The following ADAMTS16 variants were observed in gnomAD, a reference collection of about 807,000 sequenced individuals.
ADAMTS16 encodes the protein ADAM metallopeptidase with thrombospondin type 1 motif 16.
A neutral mutation model predicts 145.8 loss-of-function variants in ADAMTS16; 94 were observed. The observed-to-expected ratio is 0.64, with a 90% CI of 0.55 to 0.77. The LOEUF is 0.77. Ranked by LOEUF, ADAMTS16 falls within the 30% of genes least tolerant of loss-of-function variation. The probability of loss-of-function intolerance (pLI) is 0.00; values close to 1 mark genes in which losing one functional copy is unlikely to be tolerated. For synonymous variants in ADAMTS16, 659 were observed against 604.3 expected, an observed-to-expected ratio of 1.09 and a Z score of -1.33; for missense variants, 1,585 against 1,591.5, an observed-to-expected ratio of 1.00 and a Z score of 0.07.
chr5:5,190,209 C>A, intron 7 of ADAMTS16, 79 bp downstream of exon 7: 1 of 1,439,074 alleles, frequency 6.9e-7, no homozygotes, highest in Non-Finnish European at 9.2e-7. Flanking sequence ...AGTATTTTTG[C>A]CCTTGTTCCT....
chr5:5,144,256 G>C (rs921205097), intron 2 of ADAMTS16, among the ~76,000 whole-genome samples: 8 of 152,166 alleles, frequency 5.3e-5, no homozygotes, highest in African/African-American at 1.9e-4. Context: ...ATTTTGTCCA[G>C]ATAATCTACA....
At chr5:5,306,153 G>A (rs1038701173) in intron 20 of ADAMTS16, among the ~76,000 whole-genome samples, 10 of 152,224 alleles carry the variant, frequency 6.6e-5, no homozygotes, top group Non-Finnish European at 1.3e-4. Context: ...CCATGGACCC[G>A]TGGTAGTTAC....
At chr5:5,146,490 G>A (rs778348669) in intron 3 of ADAMTS16, 35 bp downstream of exon 3, 2 of 1,557,274 alleles carry the variant, frequency 1.3e-6, no homozygotes, top group Non-Finnish European at 1.7e-6. Flanking sequence ...AGGGAGGCGA[G>A]GTTGGTGATG....
intron 15 of ADAMTS16, 130 bp from the exon 16 acceptor site, chr5:5,239,551 C>T: frequency 7.4e-7 from 1 of 1,359,670 alleles, no homozygotes; most frequent in African/African-American, 1.4e-5. Context: ...AACTGATCAC[C>T]AGAACACGTC....
chr5:5,228,578 C>T (rs1217034688), intron 11 of ADAMTS16, among the ~76,000 whole-genome samples: 1 of 152,036 alleles, frequency 6.6e-6, no homozygotes, highest in African/African-American at 2.4e-5. Context: ...ACCCTTCAAA[C>T]AGATTAAGAG....
chr5:5,313,668 C>G (rs1028418911), intron 21 of ADAMTS16, among the ~76,000 whole-genome samples: 2 of 152,236 alleles, frequency 1.3e-5, no homozygotes, highest in African/African-American at 4.8e-5. Flanking sequence ...CTCATGGGCA[C>G]TGAGGGGCAG....
intron 21 of ADAMTS16, among the ~76,000 whole-genome samples, chr5:5,315,599 C>T (rs115082549): frequency 1.5e-3 from 227 of 152,150 alleles, no homozygotes; most frequent in African/African-American, 5.3e-3. Flanking sequence ...CGGATGTGGC[C>T]AAAGGGTTCC....
At chr5:5,144,348 C>T (rs1002352680) in intron 2 of ADAMTS16, among the ~76,000 whole-genome samples, 5 of 152,106 alleles carry the variant, frequency 3.3e-5, no homozygotes, top group Admixed American at 6.5e-5. Context: ...GAGCTTACAA[C>T]GTACTTTGAA....
chr5:5,185,770 G>T (rs2126567361), intron 4 of ADAMTS16, among the ~76,000 whole-genome samples: 1 of 152,292 alleles, frequency 6.6e-6, no homozygotes, highest in East Asian at 1.9e-4. Flanking sequence ...CCAGATGTTA[G>T]GAGTTACAGC....
At chr5:5,196,609 A>G (rs1421062079) in intron 8 of ADAMTS16, among the ~76,000 whole-genome samples, 1 of 152,204 alleles carries the variant, frequency 6.6e-6, no homozygotes, top group East Asian at 1.9e-4. Flanking sequence ...TGTGTCCAAC[A>G]AGTATTTGAA....
rs549748342 is a variant in ADAMTS16, at chr5:5,144,698, G to A, written c.176-1432G>A. On this transcript the variant is annotated intron_variant, in intron 2 of 22. Coordinates refer to ENST00000274181, the MANE Select transcript of ADAMTS16 (RefSeq NM_139056.4). Reference sequence around the variant, plus strand: ...TCAGCAGCGTTTGAAAGAGGTGGCCGGTGGTGGACTGATTTTTTGTTAATG... The same window carrying A: ...TCAGCAGCGTTTGAAAGAGGTGGCCAGTGGTGGACTGATTTTTTGTTAATG... Among the ~76,000 whole-genome samples, 134 of 152,270 alleles carry A rather than the reference G, an allele frequency of 8.8e-4. 3 individuals carry two copies. Among genetic ancestry groups the A allele is most frequent in the Middle Eastern group, 3.4e-3 (1 of 294 alleles).
chr5:5,191,603 A>T, intron 7 of ADAMTS16, 82 bp from the exon 8 acceptor site: 1 of 1,162,722 alleles, frequency 8.6e-7, no homozygotes, highest in Non-Finnish European at 1.3e-6. Flanking sequence ...ACTAAATTTC[A>T]CTAAGGGGTA....
At chr5:5,284,386 T>C (rs1255415233) in intron 18 of ADAMTS16, among the ~76,000 whole-genome samples, 6 of 152,228 alleles carry the variant, frequency 3.9e-5, no homozygotes, top group Non-Finnish European at 5.9e-5. Flanking sequence ...AACCTTTCAA[T>C]AGTAATGCAT....
chr5:5,310,548 A>G lies in ADAMTS16; in HGVS notation c.3411+3820A>G, dbSNP rs575339228. 2.0e-5 allele frequency among the ~76,000 whole-genome samples: 3 copies of G among 152,336 alleles called. No homozygotes were observed. Among genetic ancestry groups the G allele is most frequent in the Admixed American group, 2.0e-4 (3 of 15,308 alleles). On this transcript the variant is annotated intron_variant, in intron 21 of 22. Coordinates refer to ENST00000274181, the MANE Select transcript of ADAMTS16 (RefSeq NM_139056.4). This position sits in a 1 kb window ranked among gnomAD's most constrained non-coding sequence, Gnocchi z 4.3. ...GTCCTCGTGAGAAGACCACAGGAAG[A>G]CACAGAGACTCCTCACATGGGGAGC...
chr5:5,167,588 T>C (rs1305037154), intron 3 of ADAMTS16, among the ~76,000 whole-genome samples: 2 of 152,268 alleles, frequency 1.3e-5, no homozygotes, highest in African/African-American at 4.8e-5. Context: ...GGGACAGTTT[T>C]AGAAGGTCGC....
chr5:5,201,217 T>C (rs181494247), intron 9 of ADAMTS16, among the ~76,000 whole-genome samples: 65 of 152,218 alleles, frequency 4.3e-4, no homozygotes, highest in Non-Finnish European at 6.9e-4. Flanking sequence ...AGGGTGGTGT[T>C]CCTGGAGGAA....
chr5:5,179,481 G>C (rs1046307465), intron 3 of ADAMTS16, among the ~76,000 whole-genome samples: 1 of 152,168 alleles, frequency 6.6e-6, no homozygotes, highest in Non-Finnish European at 1.5e-5. Context: ...ATTGGGTAGC[G>C]TTATACAAGG....
rs78251830 is a variant in ADAMTS16, at chr5:5,313,713, G to A, written c.3412-4421G>A. On this transcript the variant is annotated intron_variant, in intron 21 of 22. Coordinates refer to ENST00000274181, the MANE Select transcript of ADAMTS16 (RefSeq NM_139056.4). ...CAGAGAATGAATTTGATTTTCCACCGTGGCAATTAAGACTGCATGAGACTG... is the reference window on the plus strand; with the variant it reads ...CAGAGAATGAATTTGATTTTCCACCATGGCAATTAAGACTGCATGAGACTG... 2.7e-4 allele frequency among the ~76,000 whole-genome samples: 41 copies of A among 152,364 alleles called. 1 individual carries two copies. The East Asian group carries it at 5.6e-3, about 21-fold the overall frequency.
At chr5:5,264,357 C>G (rs769677457) in intron 18 of ADAMTS16, among the ~76,000 whole-genome samples, 15 of 152,026 alleles carry the variant, frequency 9.9e-5, no homozygotes, top group Non-Finnish European at 1.5e-4. Flanking sequence ...AATTCTAACT[C>G]CAACTAGATC....
Sources: allele counts gnomAD v4.1 joint callset (sites outside exome capture counted in the v4.1 genomes callset), GRCh38; gene constraint gnomAD v4.1.1; non-coding constraint Gnocchi (gnomAD v3.1); transcripts MANE v1.5; gene names NCBI Gene and HGNC (gene_info 2026-07-23, HGNC 2026-07-21).